Variants in TAPT1 observed in about 807,000 individuals in gnomAD.
The protein encoded by TAPT1 is transmembrane anterior posterior transformation protein 1 homolog.
Under a neutral mutation model 65.6 loss-of-function variants are expected in TAPT1, and 28 were observed. The observed-to-expected ratio is 0.43, with a 90% CI of 0.32 to 0.59. The LOEUF is 0.59. Among genes scored for constraint, TAPT1 ranks in the 20% least tolerant of loss-of-function variants. The probability of loss-of-function intolerance (pLI) is 0.09; values close to 1 mark genes in which losing one functional copy is unlikely to be tolerated. For missense variants in TAPT1, 563 were observed against 679.9 expected, an observed-to-expected ratio of 0.83 and a Z score of 1.91; for synonymous variants, 278 against 245.2, an observed-to-expected ratio of 1.13 and a Z score of -1.25.
intron 3 of TAPT1, 40 bp from the exon 4 acceptor site, chr4:16,191,563 C>G (rs1223176620): frequency 1.3e-6 from 2 of 1,517,572 alleles, no homozygotes; most frequent in Admixed American, 2.0e-5. Context: ...AATTTTTACT[C>G]TGTATGTTCT....
intron 7 of TAPT1, among the ~76,000 whole-genome samples, chr4:16,183,978 A>T (rs1748858934): frequency 6.6e-6 from 1 of 152,202 alleles, no homozygotes; most frequent in South Asian, 2.1e-4. Context: ...TTAGTTTTCA[A>T]ATCTCCTATA....
At chr4:16,179,792 A>G in intron 7 of TAPT1, 135 bp from the exon 8 acceptor site, 1 of 435,972 alleles carries the variant, frequency 2.3e-6, no homozygotes. Flanking sequence ...ACAACTTTAT[A>G]TATATATATA....
At chr4:16,178,487 T>C (rs1748493534) in intron 8 of TAPT1, among the ~76,000 whole-genome samples, 1 of 152,196 alleles carries the variant, frequency 6.6e-6, no homozygotes, top group Non-Finnish European at 1.5e-5. Flanking sequence ...AAGAATGAGA[T>C]TCCAACAAAA....
At chr4:16,225,003 AACAG>A (rs1751462497) in intron 1 of TAPT1, among the ~76,000 whole-genome samples, 1 of 152,246 alleles carries the variant, frequency 6.6e-6, no homozygotes, top group African/African-American at 2.4e-5. Flanking sequence ...TAAGTAAGTA[AACAG>A]ACAGTTGAGA....
chr4:16,166,484 A>G lies in TAPT1; in HGVS notation c.1474+149T>C, dbSNP rs916919753. The G allele has an allele frequency of 5.5e-6, 5 of 909,378 alleles. No individual in the cohort carries two copies. In the Admixed American group the frequency reaches 1.3e-4, roughly 24 times the overall value. 56.3% of individuals were successfully genotyped at this position (909,378 alleles called of 1,614,324 possible). ...ACTCAGAACACTGGGCCAGGTATATATGGGATGAAATCTAAAACACAACCA... is the reference window on the plus strand; with the variant it reads ...ACTCAGAACACTGGGCCAGGTATATGTGGGATGAAATCTAAAACACAACCA... On this transcript the variant is annotated intron_variant, in intron 13 of 13. Coordinates refer to ENST00000405303, the MANE Select transcript of TAPT1 (RefSeq NM_153365.3).
chr4:16,226,916 G>A (rs1344190014), upstream of TAPT1: 4 of 376,320 alleles, frequency 1.1e-5, no homozygotes, highest in African/African-American at 2.3e-5. Context: ...CCGGCGGTCC[G>A]CTCAGGGCCT....
At chr4:16,179,832 A>G (rs1212721273) in intron 7 of TAPT1, among the ~76,000 whole-genome samples, 175 bp from the exon 8 acceptor site, 1 of 145,458 alleles carries the variant, frequency 6.9e-6, no homozygotes, top group Non-Finnish European at 1.5e-5. Flanking sequence ...GTGTGTATAT[A>G]TAGGCTGGTG....
intron 1 of TAPT1, among the ~76,000 whole-genome samples, chr4:16,224,593 A>G (rs1048402359): frequency 1.3e-5 from 2 of 152,172 alleles, no homozygotes; most frequent in African/African-American, 4.8e-5. Flanking sequence ...CTCACACAAA[A>G]TCAATGGAAC....
chr4:16,166,989 CTCTTT>C, intron 12 of TAPT1, 196 bp from the exon 13 acceptor site: 1 of 292,812 alleles, frequency 3.4e-6, no homozygotes, highest in Non-Finnish European at 6.1e-6. Flanking sequence ...TTCCTTAGTT[CTCTTT>C]TTTTTTTTTT....
chr4:16,203,475 A>G (rs28483204), intron 2 of TAPT1, among the ~76,000 whole-genome samples: 12,376 of 152,146 alleles, frequency 0.081, 608 homozygotes, highest in Middle Eastern at 0.14. Context: ...TTAAGTTCCT[A>G]TGTTGGTACC....
chr4:16,215,234 T>G (rs529344269), intron 1 of TAPT1, among the ~76,000 whole-genome samples: 15 of 152,010 alleles, frequency 9.9e-5, no homozygotes, highest in Admixed American at 9.8e-4. Context: ...GAGGTTGCAG[T>G]AAGCCGAGAT....
At chr4:16,201,000 A>C (rs978514585) in intron 3 of TAPT1, among the ~76,000 whole-genome samples, 3 of 151,494 alleles carry the variant, frequency 2.0e-5, no homozygotes, top group African/African-American at 7.4e-5. Flanking sequence ...GATTAATAAA[A>C]TATGTAACAC....
rs1751402419 is a variant in TAPT1 at position 16,223,907 on chromosome 4, T to C, written c.199+2352A>G. The stretch of plus-strand genomic sequence containing the variant: ...GACTGATCAACAAATGTCTTACCTG[T>C]AGGAGCCCTAAATTCCTTGTGAGAA... On this transcript the variant is annotated intron_variant, in intron 1 of 13. Transcript: ENST00000405303. Among the ~76,000 whole-genome samples the C allele has an allele frequency of 2.0e-5, 3 of 152,250 alleles. No homozygotes were observed. The South Asian group carries it at 6.2e-4, about 32-fold the overall frequency.
intron 3 of TAPT1, among the ~76,000 whole-genome samples, chr4:16,201,247 G>A (rs560100091): frequency 1.6e-4 from 24 of 151,842 alleles, no homozygotes; most frequent in African/African-American, 4.1e-4. Flanking sequence ...TCAAGTATAC[G>A]CTCATTTACT....
At chr4:16,203,638 A>C (rs1750173815) in intron 2 of TAPT1, among the ~76,000 whole-genome samples, 1 of 152,172 alleles carries the variant, frequency 6.6e-6, no homozygotes, top group African/African-American at 2.4e-5. Context: ...ATGAAGACCG[A>C]AGAGGAAGGC....
intron 11 of TAPT1, among the ~76,000 whole-genome samples, chr4:16,171,513 G>A (rs1487891174): frequency 6.6e-6 from 1 of 152,138 alleles, no homozygotes; most frequent in Non-Finnish European, 1.5e-5. Flanking sequence ...ATCTAGTAAT[G>A]TCAAGTTATC....
intron 4 of TAPT1, among the ~76,000 whole-genome samples, chr4:16,189,493 G>A (rs1220648933): frequency 6.6e-6 from 1 of 151,488 alleles, no homozygotes; most frequent in Non-Finnish European, 1.5e-5. Context: ...CCTACCATGG[G>A]CCTGATATTG....
At chr4:16,223,216 T>C (rs1751357585) in intron 1 of TAPT1, among the ~76,000 whole-genome samples, 1 of 152,240 alleles carries the variant, frequency 6.6e-6, no homozygotes. Context: ...TCCTAATGCT[T>C]AGTCCAAAGT....
chr4:16,185,647 G>A (rs1162871710), intron 7 of TAPT1, among the ~76,000 whole-genome samples: 1 of 152,176 alleles, frequency 6.6e-6, no homozygotes, highest in Non-Finnish European at 1.5e-5. Flanking sequence ...GGGATTACAG[G>A]CGTTAGCCAC....
Sources: gnomAD v4.1 joint callset for allele counts (sites outside exome capture counted in the v4.1 genomes callset) on GRCh38, gnomAD v4.1.1 for gene constraint, MANE v1.5 for transcripts, NCBI Gene and HGNC (gene_info 2026-07-23, HGNC 2026-07-21) for gene names.